NTRK3: variants seen among roughly 807,000 people sequenced by gnomAD.
NTRK3 encodes the protein NT-3 growth factor receptor.
A neutral mutation model predicts 91.7 loss-of-function variants in NTRK3; 24 were observed. The observed-to-expected ratio is 0.26, with a 90% CI of 0.19 to 0.37. NTRK3 has a LOEUF of 0.37. NTRK3 is among the 10% of genes least tolerant of loss of function. The pLI, the probability that NTRK3 is intolerant of heterozygous loss-of-function variation, is 1.00. For missense variants in NTRK3, 880 were observed against 1,068.9 expected, an observed-to-expected ratio of 0.82 and a Z score of 2.46; for synonymous variants, 483 against 404.0, an observed-to-expected ratio of 1.20 and a Z score of -2.34.
intron 3 of NTRK3, among the ~76,000 whole-genome samples, chr15:88,220,368 A>G (rs1352082993): frequency 6.6e-6 from 1 of 152,168 alleles, no homozygotes; most frequent in East Asian, 1.9e-4. Flanking sequence ...CTCAAAGGCC[A>G]CCAAGACAGA....
At chr15:87,953,963 C>T (rs1426303275) in intron 14 of NTRK3, among the ~76,000 whole-genome samples, 4 of 150,890 alleles carry the variant, frequency 2.7e-5, no homozygotes, top group East Asian at 2.0e-4. Flanking sequence ...CCAGCCTGTT[C>T]TTTGCTGCCT....
At chr15:87,984,485 T>C (rs530106288) in intron 14 of NTRK3, among the ~76,000 whole-genome samples, 2 of 152,342 alleles carry the variant, frequency 1.3e-5, no homozygotes, top group East Asian at 3.9e-4. Context: ...TGCCATCGGA[T>C]TCAATAAAAG....
exon 19 of NTRK3, chr15:87,862,798 G>C (rs1441837395): frequency 4.4e-6 from 1 of 229,680 alleles, no homozygotes; most frequent in African/African-American, 2.2e-5. Flanking sequence ...AGCTGTTAAA[G>C]AGCACTCAGG....
chr15:87,992,008 C>T (rs775338524), intron 14 of NTRK3, among the ~76,000 whole-genome samples: 3 of 151,726 alleles, frequency 2.0e-5, no homozygotes, highest in African/African-American at 4.8e-5. Context: ...TATGCTTCCT[C>T]ATCACTCAAC....
At chr15:87,873,098 G>A (rs972229802) in exon 19 of NTRK3, 12 of 232,422 alleles carry the variant, frequency 5.2e-5, no homozygotes, top group South Asian at 3.6e-4. Flanking sequence ...CAGCTCTCCC[G>A]TTGGTGTTGG....
At chr15:87,933,291 T>C in intron 15 of NTRK3, 107 bp from the exon 16 acceptor site, 1 of 1,055,032 alleles carries the variant, frequency 9.5e-7, no homozygotes, top group Non-Finnish European at 1.4e-6. Flanking sequence ...TACCAATAAA[T>C]ATGAATCTAA....
chr15:87,861,405 G>A (rs562732972), exon 19 of NTRK3: 98 of 209,274 alleles, frequency 4.7e-4, no homozygotes, highest in Admixed American at 1.5e-3. Context: ...TGTCCAGTAG[G>A]AAACAAATCA....
At chr15:87,899,507 G>C (rs1016577500) in intron 17 of NTRK3, among the ~76,000 whole-genome samples, 2 of 152,006 alleles carry the variant, frequency 1.3e-5, no homozygotes, top group Non-Finnish European at 2.9e-5. Flanking sequence ...ACTGTAGCTA[G>C]AGGTAATATC....
intron 5 of NTRK3, among the ~76,000 whole-genome samples, chr15:88,155,948 T>G (rs2043855881): frequency 1.3e-5 from 2 of 152,186 alleles, no homozygotes; most frequent in South Asian, 4.1e-4. Flanking sequence ...ACATTGCAAG[T>G]GCTTGATAGC....
intron 14 of NTRK3, among the ~76,000 whole-genome samples, chr15:87,991,029 T>C (rs2075247793): frequency 2.6e-5 from 4 of 152,192 alleles, no homozygotes; most frequent in Admixed American, 2.6e-4. Context: ...TCACCAATGG[T>C]TACCCCATGA....
At chr15:88,212,511 TG>T (rs1296604876) in intron 3 of NTRK3, among the ~76,000 whole-genome samples, 1 of 152,158 alleles carries the variant, frequency 6.6e-6, no homozygotes, top group African/African-American at 2.4e-5. Flanking sequence ...AGGCAAGGTG[TG>T]TAAAGGGTAA....
At chr15:88,239,366 G>A (rs2141861292) in intron 3 of NTRK3, among the ~76,000 whole-genome samples, 2 of 151,516 alleles carry the variant, frequency 1.3e-5, no homozygotes, top group South Asian at 4.2e-4. Flanking sequence ...ACAGCTCTGA[G>A]TGCCACAGAG....
chr15:88,182,169 C>G (rs2046529103), intron 5 of NTRK3, among the ~76,000 whole-genome samples: 1 of 152,118 alleles, frequency 6.6e-6, no homozygotes, highest in South Asian at 2.1e-4. Flanking sequence ...GACCACAGAG[C>G]CTGTTCTTTC....
At chr15:88,013,164 G>A (rs1041229498) in intron 14 of NTRK3, among the ~76,000 whole-genome samples, 30 of 136,420 alleles carry the variant, frequency 2.2e-4, no homozygotes, top group African/African-American at 7.8e-4. Context: ...AGCTGAAACC[G>A]TGCACTGGTA....
chr15:88,137,405 A>G (rs748631315), exon 7 of NTRK3: 1 of 1,613,650 alleles, frequency 6.2e-7, no homozygotes, highest in Non-Finnish European at 8.5e-7. Context: ...CTCACTCACC[A>G]CACTGACTGA....
chr15:88,095,574 C>G (rs1006164386), intron 13 of NTRK3, among the ~76,000 whole-genome samples: 1 of 152,144 alleles, frequency 6.6e-6, no homozygotes, highest in Non-Finnish European at 1.5e-5. Context: ...AACTGCAGGT[C>G]AACATCAAAT....
chr15:88,033,384 C>T (rs1160951304), intron 13 of NTRK3, among the ~76,000 whole-genome samples: 3 of 150,868 alleles, frequency 2.0e-5, no homozygotes, highest in African/African-American at 4.9e-5. Context: ...CATCTTGGCT[C>T]ACTGCAACCT....
rs2141887215 is a variant in NTRK3 at position 88,241,285 on chromosome 15, G to A, written c.248+14621C>T. ...GGGTGGGGCCTCAAGGTCAGAGCAT[G>A]CCTGCCCAGACAGCAGGCAACAGCA... On this transcript the variant is annotated intron_variant, in intron 3 of 18. Coordinates refer to ENST00000394480, the Ensembl canonical transcript of NTRK3. The surrounding 1 kb of genome is among the most constrained non-coding windows in gnomAD (Gnocchi z 4.3). Among the ~76,000 whole-genome samples the A allele has an allele frequency of 6.6e-6, 1 of 152,294 alleles. No individual in the cohort carries two copies. Among genetic ancestry groups the A allele is most frequent in the South Asian group, 2.1e-4 (1 of 4,822 alleles).
At chr15:87,880,118 T>C in intron 18 of NTRK3, 152 bp downstream of exon 19, 1 of 912,370 alleles carries the variant, frequency 1.1e-6, no homozygotes, top group South Asian at 1.5e-5. Flanking sequence ...TTTTTTTTCC[T>C]ACTAAGAAGC....
Sources: gnomAD v4.1 joint callset for allele counts (sites outside exome capture counted in the v4.1 genomes callset) on GRCh38, gnomAD v4.1.1 for gene constraint, Gnocchi (gnomAD v3.1) non-coding constraint, MANE v1.5 for transcripts, NCBI Gene and HGNC (gene_info 2026-07-23, HGNC 2026-07-21) for gene names.